Variants in CCDC141 observed in about 807,000 individuals in gnomAD.
The protein encoded by CCDC141 is coiled-coil domain-containing protein 141.
CCDC141 carries 168 observed loss-of-function variants against 181.0 expected under a neutral mutation model. The ratio of observed to expected loss-of-function variants is 0.93; its 90% CI spans 0.82 to 1.05. The LOEUF (loss-of-function observed/expected upper bound fraction) is 1.05. CCDC141 is among the 50% of genes least tolerant of loss of function. The probability of loss-of-function intolerance (pLI) is 0.00; values close to 1 mark genes in which losing one functional copy is unlikely to be tolerated. For synonymous variants in CCDC141, 666 were observed against 642.3 expected (o/e 1.04, Z -0.56); for missense variants, 1,902 against 1,788.5 (o/e 1.06, Z -1.14).
At chr2:179,007,906 CT>C (rs1343910151) in intron 2 of CCDC141, among the ~76,000 whole-genome samples, 2 of 152,188 alleles carry the variant, frequency 1.3e-5, no homozygotes, top group African/African-American at 2.4e-5. Flanking sequence ...CTTAGATTAT[CT>C]ATCACAATCA....
chr2:178,968,633 C>T (rs924956613), intron 4 of CCDC141, among the ~76,000 whole-genome samples: 1 of 152,004 alleles, frequency 6.6e-6, no homozygotes, highest in Admixed American at 6.5e-5. Flanking sequence ...CAAAAGAAAG[C>T]AGGAAAGATC....
chr2:178,961,307 C>T lies in CCDC141; in HGVS notation c.703G>A (p.Asp235Asn). 1 of 1,550,530 alleles carries T rather than the reference C, an allele frequency of 6.4e-7. No homozygotes were observed. ...ELLQDRRRQLDKYLKQQWQEL... is the reference protein window; with the variant it reads ...ELLQDRRRQLNKYLKQQWQEL... ...TGCCACTGTTGCTTCAAGTACTTGT[C>T]TAGTTGTCTTCTCCTGTCTTGTAGA... Residue 235 changes from aspartate to asparagine, a missense_variant, in exon 5 of 24, where the codon GAC becomes AAC. Asp to Asn is a conservative substitution (Grantham distance 23). Coordinates refer to ENST00000443758, the MANE Select transcript of CCDC141 (RefSeq NM_173648.4).
chr2:178,938,920 G>A (rs1259543363), intron 6 of CCDC141, among the ~76,000 whole-genome samples: 3 of 152,088 alleles, frequency 2.0e-5, no homozygotes, highest in Non-Finnish European at 2.9e-5. Flanking sequence ...CTCCCAGAAC[G>A]TATTCTGTTC....
downstream of CCDC141, among the ~76,000 whole-genome samples, chr2:178,826,565 T>A (rs1163190672): frequency 6.6e-6 from 1 of 152,122 alleles, no homozygotes; most frequent in South Asian, 2.1e-4. Flanking sequence ...TGTGTTTTCT[T>A]TTTTTGGAAA....
rs1246239705 is a variant in CCDC141 at position 178,885,048 on chromosome 2, C to T, written c.1572G>A (p.Glu524=). Residue 524 remains glutamate, a synonymous_variant, in exon 11 of 24, where the codon GAG becomes GAA. Transcript: ENST00000443758. ...TTTCATCAGATACAAATTCATTTTT[C>T]TCCATCATGGTTTTTGCAGCTGCTT... ...ELEAAAKTMM[E]KNEFVSDEMV... The T allele has an allele frequency of 1.9e-6, 3 of 1,550,268 alleles. No homozygotes were observed. Among genetic ancestry groups the T allele is most frequent in the Non-Finnish European group, 2.6e-6 (3 of 1,146,760 alleles).
chr2:178,828,365 T>C (rs974694261), downstream of CCDC141, among the ~76,000 whole-genome samples: 2 of 152,172 alleles, frequency 1.3e-5, no homozygotes, highest in Non-Finnish European at 2.9e-5. Context: ...AAGTGGAACA[T>C]AGCATACAAA....
chr2:179,011,459 C>T lies in CCDC141; in HGVS notation c.226-32784G>A, dbSNP rs577331897. 2.6e-5 allele frequency among the ~76,000 whole-genome samples: 4 copies of T among 152,172 alleles called. No homozygotes were observed. The South Asian group carries it at 8.4e-4, about 32-fold the overall frequency. ...CATACACGTACCTAACATTGGAGCT[C>T]CCAAATTTATAAAACAATTACTAAT... On this transcript the variant is annotated intron_variant, in intron 2 of 23. Coordinates refer to ENST00000443758, the MANE Select transcript of CCDC141 (RefSeq NM_173648.4).
At chr2:178,854,577 C>G (rs1457769266) in intron 19 of CCDC141, among the ~76,000 whole-genome samples, 2 of 152,082 alleles carry the variant, frequency 1.3e-5, no homozygotes, top group Admixed American at 6.6e-5. Flanking sequence ...TGACTCAGGC[C>G]TGAAGCACTT....
intron 5 of CCDC141, among the ~76,000 whole-genome samples, chr2:178,949,314 A>G (rs942661962): frequency 6.6e-6 from 1 of 152,224 alleles, no homozygotes; most frequent in African/African-American, 2.4e-5. Flanking sequence ...GCAGGTTACA[A>G]CATAATTTCA....
At chr2:178,914,571 A>C (rs1267437539) in intron 7 of CCDC141, among the ~76,000 whole-genome samples, 1 of 152,208 alleles carries the variant, frequency 6.6e-6, no homozygotes, top group African/African-American at 2.4e-5. Flanking sequence ...AATTAAAGGT[A>C]ATCAATTGCA....
At chr2:178,988,001 T>C (rs1353450337) in intron 2 of CCDC141, among the ~76,000 whole-genome samples, 14 of 151,668 alleles carry the variant, frequency 9.2e-5, no homozygotes, top group African/African-American at 1.7e-4. Flanking sequence ...ATCATGCTGC[T>C]ATAAAGACAC....
At chr2:179,019,270 C>T (rs1225798096) in intron 2 of CCDC141, among the ~76,000 whole-genome samples, 1 of 151,990 alleles carries the variant, frequency 6.6e-6, no homozygotes, top group Non-Finnish European at 1.5e-5. Context: ...CAGGAATCAA[C>T]AAAATATATT....
chr2:178,920,695 TACACACACACAC>T (rs59015092), intron 6 of CCDC141, among the ~76,000 whole-genome samples: 6 of 146,662 alleles, frequency 4.1e-5, no homozygotes, highest in East Asian at 2.0e-4. Flanking sequence ...CTGAACTCCA[TACACACACACAC>T]ACACACACAC....
At chr2:178,816,903 A>G in the CCDC141 span, among the ~76,000 whole-genome samples, 5 of 152,180 alleles carry the variant, frequency 3.3e-5, no homozygotes, top group Non-Finnish European at 5.9e-5. Context: ...ATTGGTTTTC[A>G]TATTCTAGCT....
At chr2:178,972,277 G>A (rs1445840427) in intron 4 of CCDC141, among the ~76,000 whole-genome samples, 1 of 152,066 alleles carries the variant, frequency 6.6e-6, no homozygotes, top group Non-Finnish European at 1.5e-5. Flanking sequence ...TGTCCCTAAA[G>A]CACTTCGTTT....
intron 5 of CCDC141, among the ~76,000 whole-genome samples, chr2:178,952,882 T>A (rs1690009699): frequency 6.6e-6 from 1 of 151,942 alleles, no homozygotes; most frequent in African/African-American, 2.4e-5. Flanking sequence ...TTTTTTCTCT[T>A]CTTTTTTTTG....
At chr2:179,015,578 C>G (rs1559050147) in intron 2 of CCDC141, among the ~76,000 whole-genome samples, 123 of 106,472 alleles carry the variant, frequency 1.2e-3, no homozygotes, top group East Asian at 2.3e-3. Context: ...TCATATATCT[C>G]ATATATATCT....
intron 11 of CCDC141, among the ~76,000 whole-genome samples, chr2:178,878,446 A>G (rs1686450129): frequency 6.7e-6 from 1 of 150,202 alleles, no homozygotes; most frequent in Admixed American, 6.6e-5. Context: ...TAAAAACTGC[A>G]GACTATAGGC....
At chr2:178,987,700 C>CA (rs936677841) in intron 2 of CCDC141, among the ~76,000 whole-genome samples, 1 of 149,674 alleles carries the variant, frequency 6.7e-6, no homozygotes, top group African/African-American at 2.5e-5. Flanking sequence ...TTTATGCAGC[C>CA]AAAAAACACA....
Sources: allele counts gnomAD v4.1 joint callset (sites outside exome capture counted in the v4.1 genomes callset), GRCh38; gene constraint gnomAD v4.1.1; transcripts MANE v1.5; gene names NCBI Gene and HGNC (gene_info 2026-07-23, HGNC 2026-07-21).